Variants in APBA2 observed in about 807,000 individuals in gnomAD.
APBA2 encodes the protein amyloid beta precursor protein binding family A member 2, also known as amyloid-beta A4 precursor protein-binding family A member 2.
In APBA2, 30 loss-of-function variants were observed where a neutral mutation model predicts 75.0. The ratio of observed to expected loss-of-function variants is 0.40; its 90% confidence interval spans 0.30 to 0.54. The LOEUF (loss-of-function observed/expected upper bound fraction) is 0.54, where lower values mean the gene tolerates loss of function less well. APBA2 is among the 20% of genes least tolerant of loss of function. The pLI, the probability that APBA2 is intolerant of heterozygous loss-of-function variation, is 0.49. For synonymous variants in APBA2, 444 were observed against 409.6 expected (o/e 1.08, Z -1.01); for missense variants, 801 against 1,016.1 (o/e 0.79, Z 2.88).
At chr15:29,085,972 C>T (rs941385902) in intron 6 of APBA2, among the ~76,000 whole-genome samples, 6 of 152,156 alleles carry the variant, frequency 3.9e-5, no homozygotes, top group Non-Finnish European at 8.8e-5. Flanking sequence ...GTCCTTCCCT[C>T]CCCCTGTGTG....
chr15:28,900,766 A>G (rs2032802122), intron 1 of APBA2, among the ~76,000 whole-genome samples: 1 of 151,976 alleles, frequency 6.6e-6, no homozygotes, highest in African/African-American at 2.4e-5. Context: ...CCCTGCAGGG[A>G]CTTCTCTTGT....
intron 2 of APBA2, among the ~76,000 whole-genome samples, chr15:28,941,101 A>G (rs184150896): frequency 6.6e-6 from 1 of 152,314 alleles, no homozygotes; most frequent in East Asian, 1.9e-4. Flanking sequence ...AACCAATTAT[A>G]TATTTTTGGT....
chr15:29,105,799 T>A (rs543068647), intron 11 of APBA2, among the ~76,000 whole-genome samples: 27 of 152,340 alleles, frequency 1.8e-4, no homozygotes, highest in African/African-American at 5.5e-4. Flanking sequence ...ATGCGCCTTT[T>A]AATGCTGCTA....
Position 29,106,660 on chromosome 15 carries a change from G to C in APBA2, c.1758G>C (p.Ser586=). ...TCCTGGGCGTGGTGGTGGTGGAGTC[G>C]GGCTGGGGCTCCATCCTGCCCACGG... is the stretch of plus-strand genomic sequence containing the variant. ...GEILGVVVVE[S]GWGSILPTVI... The change falls in exon 12 of 15, where the codon TCG becomes TCC. Residue 586 remains serine (S), a synonymous_variant. Coordinates refer to ENST00000683413, the MANE Select transcript of APBA2 (RefSeq NM_001353788.2). 6.2e-7 allele frequency: 1 copy of C among 1,613,076 alleles called. No individual in the cohort carries two copies. Among genetic ancestry groups the C allele is most frequent in the Non-Finnish European group, 8.5e-7 (1 of 1,180,014 alleles).
chr15:29,059,962 G>C (rs2042060955), intron 4 of APBA2, among the ~76,000 whole-genome samples: 1 of 152,182 alleles, frequency 6.6e-6, no homozygotes, highest in African/African-American at 2.4e-5. Flanking sequence ...TGGTGTATCA[G>C]CAAGCCCTTT....
At position 28,987,516 on chromosome 15, in the gene APBA2, C is replaced by T. The variant is rs113225807; in HGVS notation, c.-94-8237C>T. Among the ~76,000 whole-genome samples, 610 of 151,818 alleles carry T rather than the reference C, an allele frequency of 4.0e-3. 6 individuals carry two copies. The highest frequency in any genetic ancestry group is 0.014 in the African/African-American group (586 of 41,356). On this transcript the variant is annotated intron_variant, in intron 2 of 14. Coordinates refer to ENST00000683413, the MANE Select transcript of APBA2 (RefSeq NM_001353788.2). ...TTGAGTGTCCTCACAACATGGCAGG[C>T]GGATTCCCCCAGCCTCAGTGATTCA...
At chr15:29,008,724 A>C (rs1476724198) in intron 3 of APBA2, among the ~76,000 whole-genome samples, 1 of 152,120 alleles carries the variant, frequency 6.6e-6, no homozygotes, top group Non-Finnish European at 1.5e-5. Context: ...AACAACAAAA[A>C]ACAAATAAAA....
chr15:29,095,726 T>G (rs904734772), intron 8 of APBA2, among the ~76,000 whole-genome samples: 1 of 152,234 alleles, frequency 6.6e-6, no homozygotes, highest in Non-Finnish European at 1.5e-5. Context: ...TTGGTCCACC[T>G]AGGATGTCTG....
chr15:28,982,481 A>G (rs1245956460), intron 2 of APBA2, among the ~76,000 whole-genome samples: 1 of 152,172 alleles, frequency 6.6e-6, no homozygotes. Flanking sequence ...TAGCAGCTTG[A>G]CCTTGTTAGC....
chr15:28,936,930 G>C (rs560539177), intron 2 of APBA2, among the ~76,000 whole-genome samples: 1 of 152,302 alleles, frequency 6.6e-6, no homozygotes, highest in East Asian at 1.9e-4. Context: ...AGCCCTGTGT[G>C]TCTCTGAGCC....
At chr15:28,901,537 G>A (rs1469768845) in intron 1 of APBA2, among the ~76,000 whole-genome samples, 4 of 152,174 alleles carry the variant, frequency 2.6e-5, no homozygotes, top group African/African-American at 4.8e-5. Context: ...AAGCACAGAC[G>A]CATGACTTCT....
At chr15:29,115,341 C>T (rs2045028672) in intron 14 of APBA2, among the ~76,000 whole-genome samples, 2 of 152,042 alleles carry the variant, frequency 1.3e-5, no homozygotes, top group South Asian at 4.1e-4. Context: ...TTGTGCACTG[C>T]AGGGTCGGCT....
chr15:29,075,952 C>G, intron 5 of APBA2, 103 bp from the exon 6 acceptor site: 1 of 1,075,380 alleles, frequency 9.3e-7, no homozygotes, highest in Middle Eastern at 2.6e-4. Flanking sequence ...GGGGGGTTTG[C>G]TTTTCTCATT....
chr15:29,076,691 G>GT (rs2042867657), intron 6 of APBA2, among the ~76,000 whole-genome samples: 1 of 152,124 alleles, frequency 6.6e-6, no homozygotes, highest in Admixed American at 6.5e-5. Flanking sequence ...TAAAGAGCTT[G>GT]TTCGGCAGGA....
chr15:29,085,614 T>C (rs561551748), intron 6 of APBA2, among the ~76,000 whole-genome samples: 181 of 151,968 alleles, frequency 1.2e-3, no homozygotes, highest in African/African-American at 4.1e-3. Flanking sequence ...GTTAGCACAG[T>C]TGATGTGTTT....
intron 2 of APBA2, among the ~76,000 whole-genome samples, chr15:28,987,877 C>T (rs1205061639): frequency 6.6e-6 from 1 of 151,148 alleles, no homozygotes; most frequent in Non-Finnish European, 1.5e-5. Flanking sequence ...CTGCCTCAGC[C>T]TCCCAAGTAG....
At chr15:29,101,555 T>C in intron 9 of APBA2, 44 bp from the exon 10 acceptor site, 1 of 1,591,818 alleles carries the variant, frequency 6.3e-7, no homozygotes. Context: ...CAATGGATTG[T>C]CCCAGTAGTG....
At chr15:29,063,056 A>G (rs1342041431) in intron 4 of APBA2, among the ~76,000 whole-genome samples, 2 of 24,288 alleles carry the variant, frequency 8.2e-5, no homozygotes, top group Non-Finnish European at 1.6e-4. Flanking sequence ...ATGGGTGGGG[A>G]GGGGAGTTGA....
At chr15:28,941,671 C>T (rs66974057) in intron 2 of APBA2, among the ~76,000 whole-genome samples, 25,092 of 152,178 alleles carry the variant, frequency 0.16, 2,818 homozygotes, top group African/African-American at 0.32. Flanking sequence ...GGCTGGGTCC[C>T]GAGGGCTGGA....
Sources: gnomAD v4.1 joint callset for allele counts (sites outside exome capture counted in the v4.1 genomes callset) on GRCh38, gnomAD v4.1.1 for gene constraint, MANE v1.5 for transcripts, NCBI Gene and HGNC (gene_info 2026-07-23, HGNC 2026-07-21) for gene names.